Variants in DNAH5 observed in about 807,000 individuals in gnomAD.
The protein encoded by DNAH5 is dynein axonemal heavy chain 5, also known as axonemal beta dynein heavy chain 5.
Under a neutral mutation model 518.2 loss-of-function variants are expected in DNAH5, and 372 were observed. The observed-to-expected ratio is 0.72, with a 90% confidence interval of 0.66 to 0.78. DNAH5 has a LOEUF of 0.78. DNAH5 is among the 30% of genes least tolerant of loss of function. The probability of loss-of-function intolerance (pLI) is 0.00; values close to 1 mark genes in which losing one functional copy is unlikely to be tolerated. For missense variants in DNAH5, 5,523 were observed against 5,687.0 expected (o/e 0.97, Z 0.93); for synonymous variants, 2,039 against 2,025.9 (o/e 1.01, Z -0.17).
At position 13,844,924 on chromosome 5, in the gene DNAH5, A is replaced by G. The variant is rs757238778; in HGVS notation, c.5184T>C (p.Ile1728=). Residue 1728 remains isoleucine (I), a synonymous_variant, in exon 32 of 79, where the codon ATT becomes ATC. Coordinates refer to ENST00000265104, the MANE Select transcript of DNAH5 (RefSeq NM_001369.3). ...FFVSDPALLE[I]LGQASDSHTI... is the part of the protein sequence containing the mutation. The stretch of plus-strand genomic sequence containing the variant: ...TGTGGGAGTCCGACGCCTGCCCCAG[A>G]ATCTCTAGAAGGGCAGGATCTGAGA... 3.7e-6 allele frequency: 6 copies of G among 1,614,206 alleles called. No homozygotes were observed. Among genetic ancestry groups the G allele is most frequent in the Non-Finnish European group, 5.1e-6 (6 of 1,180,022 alleles).
At chr5:13,888,282 A>G (rs903504710) in intron 17 of DNAH5, among the ~76,000 whole-genome samples, 3 of 152,200 alleles carry the variant, frequency 2.0e-5, no homozygotes, top group Admixed American at 2.0e-4. Context: ...CCACCTGAGC[A>G]TATGAACACC....
rs116005103 is a variant in DNAH5, at chr5:13,826,582, G to C, written c.6445-2249C>G. Among the ~76,000 whole-genome samples the C allele has an allele frequency of 7.4e-3, 1,132 of 152,304 alleles. 15 individuals carry two copies. Among genetic ancestry groups the C allele is most frequent in the African/African-American group, 0.026 (1,087 of 41,556 alleles). On this transcript the variant is annotated intron_variant, in intron 38 of 78. Transcript: ENST00000265104. ...GCACTTCTCCTTCCTGACACCACATGAAGAAGAATGTGTTGCTTCCCCTTC... is the reference window on the plus strand; with the variant it reads ...GCACTTCTCCTTCCTGACACCACATCAAGAAGAATGTGTTGCTTCCCCTTC...
chr5:13,701,090 GA>G (rs1441991712), intron 77 of DNAH5, among the ~76,000 whole-genome samples, 193 bp downstream of exon 77: 9 of 152,068 alleles, frequency 5.9e-5, no homozygotes, highest in African/African-American at 1.9e-4. Context: ...ACAAAAATAA[GA>G]AATAAATATT....
intron 17 of DNAH5, among the ~76,000 whole-genome samples, chr5:13,889,414 AT>A (rs1014606661): frequency 1.2e-4 from 19 of 152,334 alleles, no homozygotes; most frequent in African/African-American, 4.3e-4. Flanking sequence ...ATGACTTAAT[AT>A]AACCTGCCAT....
At chr5:13,740,018 A>C (rs1748201380) in intron 65 of DNAH5, among the ~76,000 whole-genome samples, 1 of 152,044 alleles carries the variant, frequency 6.6e-6, no homozygotes, top group African/African-American at 2.4e-5. Flanking sequence ...CCTCCCTTCA[A>C]ACATGCTCAA....
chr5:13,766,270 G>A, intron 58 of DNAH5, 91 bp from the exon 59 acceptor site: 1 of 1,426,362 alleles, frequency 7.0e-7, no homozygotes, highest in Non-Finnish European at 9.9e-7. Flanking sequence ...TTTCAACAGA[G>A]GACAGAAAAC....
intron 52 of DNAH5, among the ~76,000 whole-genome samples, chr5:13,781,512 T>C (rs1228809608): frequency 1.3e-5 from 2 of 151,130 alleles, no homozygotes; most frequent in Non-Finnish European, 2.9e-5. Context: ...TTCCCACATG[T>C]TGTGGTGGGG....
At chr5:13,800,036 C>A (rs957109709) in intron 47 of DNAH5, among the ~76,000 whole-genome samples, 1 of 152,108 alleles carries the variant, frequency 6.6e-6, no homozygotes, top group African/African-American at 2.4e-5. Flanking sequence ...ATGGGGGAAT[C>A]TGGTAGTGTG....
At position 13,865,648 on chromosome 5, in the gene DNAH5, C is replaced by G. The variant is rs1769136200; in HGVS notation, c.4355+20G>C. 2 of 1,442,008 alleles carry G rather than the reference C, an allele frequency of 1.4e-6. No individual in the cohort carries two copies. The highest frequency in any genetic ancestry group is 2.0e-6 in the Non-Finnish European group (2 of 1,023,852). The allele number at this position is 1,442,008 out of a possible 1,614,324, so 89.3% of individuals were successfully genotyped here. ...ATTTGAAGTTCAATTGCTGGGCATG[C>G]TAAACATTTAATTTCTTACCTGTTC... On this transcript the variant is annotated intron_variant, in intron 27 of 78. Coordinates refer to ENST00000265104, the MANE Select transcript of DNAH5 (RefSeq NM_001369.3).
rs1404013826 is a variant in DNAH5 at position 13,721,194 on chromosome 5, T to G, written c.12085A>C (p.Ile4029Leu). ...TCCCACGTCTTCTCCAAGTCTAAAA[T>G]AACACCTTCGGCATATTTTTCTCCC... The part of the protein sequence containing the change: ...SMGEKYAEGV[I>L]LDLEKTWEES... Residue 4029 changes from isoleucine (I) to leucine (L), a missense_variant, in exon 71 of 79, where the codon ATT becomes CTT. Transcript: ENST00000265104. The G allele has an allele frequency of 3.7e-6, 6 of 1,614,138 alleles. No homozygotes were observed. The highest frequency in any genetic ancestry group is 5.1e-6 in the Non-Finnish European group (6 of 1,179,998).
chr5:13,844,724 C>T, intron 32 of DNAH5, 113 bp downstream of exon 32: 1 of 1,363,496 alleles, frequency 7.3e-7, no homozygotes, highest in Non-Finnish European at 1.0e-6. Flanking sequence ...TGGCCAAGAG[C>T]TAATGAACAG....
chr5:13,735,306 C>G lies in DNAH5; in HGVS notation c.11586G>C (p.Pro3862=), dbSNP rs755874851. Residue 3862 remains proline (P), a synonymous_variant, in exon 68 of 79, where the codon CCG becomes CCC. Coordinates refer to ENST00000265104, the MANE Select transcript of DNAH5 (RefSeq NM_001369.3). ...TATTAGCAATCCTCTTGCTTGTAAT[C>G]GGGCTCTTGACAGACCTGGTGAATA... The part of the protein sequence containing the change: ...DLSLARSVKS[P]ITSKRIANII... The G allele has an allele frequency of 4.3e-6, 7 of 1,613,872 alleles. No individual in the cohort carries two copies. The highest frequency in any genetic ancestry group is 5.9e-6 in the Non-Finnish European group (7 of 1,179,976).
Position 13,981,159 on chromosome 5 carries a change from T to C in DNAH5, c.12+30489A>G, listed in dbSNP as rs529120704. 7.2e-5 allele frequency among the ~76,000 whole-genome samples: 11 copies of C among 152,368 alleles called. 1 individual carries two copies. Among genetic ancestry groups the C allele is most frequent in the African/African-American group, 2.6e-4 (11 of 41,592 alleles). ...ATGGAAGCTAAGGAGGGAAGGGTCT[T>C]GGTCTGTTGTGTCTGCGGCTGTATT... is the stretch of plus-strand genomic sequence containing the variant. On this transcript the variant is annotated intron_variant, in intron 1 of 78. Coordinates refer to the DNAH5 transcript ENST00000681290.
chr5:13,964,509 C>T (rs747921319), intron 1 of DNAH5, among the ~76,000 whole-genome samples: 10 of 152,208 alleles, frequency 6.6e-5, no homozygotes, highest in South Asian at 2.1e-4. Flanking sequence ...GCAGAGAGAT[C>T]GCTCAAGGTC....
At chr5:13,972,793 T>G (rs1020488647) in intron 1 of DNAH5, among the ~76,000 whole-genome samples, 6 of 152,202 alleles carry the variant, frequency 3.9e-5, no homozygotes, top group Non-Finnish European at 8.8e-5. Flanking sequence ...AAGTTCATGA[T>G]GTGAGTCTCC....
At chr5:13,780,196 C>T (rs999782111) in intron 53 of DNAH5, among the ~76,000 whole-genome samples, 5 of 152,190 alleles carry the variant, frequency 3.3e-5, no homozygotes, top group Non-Finnish European at 5.9e-5. Context: ...ATCACTTTCT[C>T]CAGGAAGTCT....
intron 1 of DNAH5, among the ~76,000 whole-genome samples, chr5:13,940,017 G>A (rs573392840): frequency 1.3e-5 from 2 of 152,124 alleles, no homozygotes; most frequent in African/African-American, 4.8e-5. Flanking sequence ...TATTTTTGCT[G>A]GAGTTCCCAA....
At chr5:13,819,874 G>A (rs1176436823) in intron 41 of DNAH5, among the ~76,000 whole-genome samples, 2 of 152,136 alleles carry the variant, frequency 1.3e-5, no homozygotes, top group Non-Finnish European at 2.9e-5. Context: ...TAAGAGTTGG[G>A]TTTGGAATTA....
chr5:13,715,872 G>A (rs974421138), intron 74 of DNAH5, among the ~76,000 whole-genome samples: 1 of 152,198 alleles, frequency 6.6e-6, no homozygotes, highest in Non-Finnish European at 1.5e-5. Flanking sequence ...GTATGGGGTT[G>A]TTATTGGCAT....
Sources: allele counts gnomAD v4.1 joint callset (sites outside exome capture counted in the v4.1 genomes callset), GRCh38; gene constraint gnomAD v4.1.1; transcripts MANE v1.5; gene names NCBI Gene and HGNC (gene_info 2026-07-23, HGNC 2026-07-21).